Variants in GLP2R observed in about 807,000 individuals in gnomAD.
GLP2R encodes the protein glucagon-like peptide 2 receptor.
Under a neutral mutation model 68.2 loss-of-function variants are expected in GLP2R, and 59 were observed. That is an observed-to-expected ratio of 0.87 (90% CI 0.70 to 1.07). The LOEUF is 1.07. GLP2R is among the 50% of genes least tolerant of loss of function. GLP2R has a pLI of 0.00. For missense variants in GLP2R, 548 were observed against 677.4 expected (o/e 0.81, Z 2.12); for synonymous variants, 270 against 265.4 (o/e 1.02, Z -0.17).
intron 4 of GLP2R, among the ~76,000 whole-genome samples, chr17:9,843,894 G>A (rs1199162629): frequency 6.9e-6 from 1 of 144,574 alleles, no homozygotes; most frequent in Admixed American, 7.1e-5. Context: ...ATAGCACGTG[G>A]ATACTGCCTC....
intron 3 of GLP2R, among the ~76,000 whole-genome samples, chr17:9,840,062 T>C (rs1396307131): frequency 6.6e-6 from 1 of 151,326 alleles, no homozygotes; most frequent in Non-Finnish European, 1.5e-5. Flanking sequence ...CTGCAACCTC[T>C]GCCTCCTGGG....
Position 9,861,988 on chromosome 17 carries a change from TCTTCTACTGCCTG to T in GLP2R, c.987-23_987-11del. On this transcript the variant is annotated intron_variant, in intron 8 of 12. Coordinates refer to ENST00000262441, the MANE Select transcript of GLP2R (RefSeq NM_004246.3). ...CTTTCAACCTCCTCTTGTTTTTAAGTCTTCTACTGCCTGCTTCTACTGTTGACCTTAGGTGCTG... is the reference window on the plus strand; with the variant it reads ...CTTTCAACCTCCTCTTGTTTTTAAGTCTTCTACTGTTGACCTTAGGTGCTG... 1 of 1,486,536 alleles carries T rather than the reference TCTTCTACTGCCTG, an allele frequency of 6.7e-7. No individual in the cohort carries two copies. 92.1% of individuals were successfully genotyped at this position (1,486,536 alleles called of 1,614,324 possible).
intron 1 of GLP2R, among the ~76,000 whole-genome samples, chr17:9,831,844 G>A (rs370970951): frequency 4.7e-4 from 72 of 152,272 alleles, no homozygotes; most frequent in African/African-American, 1.6e-3. Context: ...AGGAGGTGGG[G>A]TCGATGGAAC....
In GLP2R at chr17:9,826,167, G is replaced by A. The variant is rs918464683; in HGVS notation, c.104G>A (p.Ser35Asn). Residue 35 changes from serine to asparagine, a missense_variant, in exon 1 of 13, where the codon AGT becomes AAT. Transcript: ENST00000262441. Reference sequence around the variant, plus strand: ...GGCATCCCTGCCCCCTGGGGGACCAGTCCTCTCTCCTTCCACAGGAAGTGC... The same window carrying A: ...GGCATCCCTGCCCCCTGGGGGACCAATCCTCTCTCCTTCCACAGGAAGTGC... Reference protein sequence around the residue: ...PMGIPAPWGTSPLSFHRKCSL... With the variant: ...PMGIPAPWGTNPLSFHRKCSL... 7 of 1,613,072 alleles carry A rather than the reference G, an allele frequency of 4.3e-6. No homozygotes were observed. The African/African-American group carries it at 8.0e-5, about 18-fold the overall frequency.
At chr17:9,830,360 C>T (rs1249911370) in intron 1 of GLP2R, among the ~76,000 whole-genome samples, 1 of 152,112 alleles carries the variant, frequency 6.6e-6, no homozygotes, top group African/African-American at 2.4e-5. Flanking sequence ...ATTCTAGAAG[C>T]TTATTATTTG....
Position 9,889,882 on chromosome 17 carries a change from G to A in GLP2R, c.*177G>A, listed in dbSNP as rs191322459. 493 of 641,876 alleles carry A rather than the reference G, an allele frequency of 7.7e-4. 2 individuals are homozygous for A. In the African/African-American group the frequency reaches 8.2e-3, roughly 11 times the overall value. The allele number at this position is 641,876 out of a possible 1,614,324, so 39.8% of individuals were successfully genotyped here. A position where few individuals can be genotyped will look rare whatever the true frequency, so the allele number is the denominator to read the frequency against. The stretch of plus-strand genomic sequence containing the variant: ...AAGCTCTGTATGAAAGAGGCTGTGT[G>A]TCATGCTCACAGCCTCTGCCTGCTC... On this transcript the variant is annotated 3_prime_UTR_variant, in exon 13 of 13. Transcript: ENST00000262441.
At chr17:9,842,932 G>A (rs1335995919) in intron 4 of GLP2R, among the ~76,000 whole-genome samples, 1 of 152,152 alleles carries the variant, frequency 6.6e-6, no homozygotes, top group Non-Finnish European at 1.5e-5. Context: ...ACCATCCAGG[G>A]TTCAGTCCAA....
At chr17:9,885,577 T>C (rs1050092675) in intron 11 of GLP2R, among the ~76,000 whole-genome samples, 1 of 152,020 alleles carries the variant, frequency 6.6e-6, no homozygotes, top group African/African-American at 2.4e-5. Context: ...TTCTCCTCCA[T>C]GTGGCCTCTC....
chr17:9,837,193 C>G (rs2066740220), intron 3 of GLP2R, among the ~76,000 whole-genome samples: 1 of 152,184 alleles, frequency 6.6e-6, no homozygotes, highest in Non-Finnish European at 1.5e-5. Context: ...GTTGTGCTAT[C>G]AAAGAGTAGC....
chr17:9,859,202 A>C (rs1001274531), intron 6 of GLP2R, among the ~76,000 whole-genome samples: 3 of 152,072 alleles, frequency 2.0e-5, no homozygotes, highest in Admixed American at 6.6e-5. Context: ...AATTTGTTTC[A>C]ATTTTTTCTT....
chr17:9,826,942 G>A (rs1378163483), intron 1 of GLP2R, among the ~76,000 whole-genome samples: 1 of 152,098 alleles, frequency 6.6e-6, no homozygotes, highest in Non-Finnish European at 1.5e-5. Flanking sequence ...TGAGATCTTG[G>A]CTCACTGCAA....
intron 1 of GLP2R, among the ~76,000 whole-genome samples, chr17:9,830,657 G>A (rs572500679): frequency 6.6e-6 from 1 of 152,310 alleles, no homozygotes; most frequent in South Asian, 2.1e-4. Context: ...GGTGCTATGA[G>A]ATATTTTAAT....
chr17:9,882,378 G>A (rs60875598), intron 11 of GLP2R, among the ~76,000 whole-genome samples: 9,230 of 152,230 alleles, frequency 0.061, 945 homozygotes, highest in African/African-American at 0.21. Context: ...GAAATTTTAC[G>A]GGAAGATTTG....
intron 11 of GLP2R, among the ~76,000 whole-genome samples, chr17:9,883,811 CTG>C (rs755120346): frequency 2.8e-4 from 43 of 152,156 alleles, no homozygotes; most frequent in Non-Finnish European, 5.9e-4. Context: ...AAAACAAAGA[CTG>C]AGAGAAATCA....
Position 9,842,602 on chromosome 17 carries a change from A to G in GLP2R, c.490A>G (p.Ser164Gly). ...TGACTCCGAATGCTCCGAGAACCAC[A>G]GCTTCAAGCAAAACGTGAGTTTGCT... The part of the protein sequence containing the change: ...QDDSECSENH[S>G]FKQNVDRYAL... The change falls in exon 4 of 13, where the codon AGC (serine) becomes GGC (glycine). Residue 164 changes from serine to glycine, a missense_variant. Physicochemically the swap from Ser to Gly is moderately conservative, Grantham distance 56. Coordinates refer to ENST00000262441, the MANE Select transcript of GLP2R (RefSeq NM_004246.3). The G allele has an allele frequency of 6.2e-7, 1 of 1,613,856 alleles. No individual in the cohort carries two copies. Among genetic ancestry groups the G allele is most frequent in the Non-Finnish European group, 8.5e-7 (1 of 1,180,010 alleles).
intron 5 of GLP2R, among the ~76,000 whole-genome samples, chr17:9,854,893 T>C (rs974513168): frequency 6.6e-6 from 1 of 152,216 alleles, no homozygotes; most frequent in Non-Finnish European, 1.5e-5. Context: ...ATAAGAGTTA[T>C]GTGAATGTGG....
chr17:9,847,214 T>C lies in GLP2R; in HGVS notation c.504+4598T>C, dbSNP rs117075657. Among the ~76,000 whole-genome samples the C allele has an allele frequency of 7.5e-3, 1,135 of 152,334 alleles. 5 individuals carry two copies. The highest frequency in any genetic ancestry group is 0.024 in the Middle Eastern group (7 of 294). On this transcript the variant is annotated intron_variant, in intron 4 of 12. Coordinates refer to ENST00000262441, the MANE Select transcript of GLP2R (RefSeq NM_004246.3). ...ATTAGGAAGTGATGAATTTGGAGTA[T>C]TTATTGCTTTTATTCTGAATATAAT...
In GLP2R at chr17:9,826,189, G is replaced by A. The variant is rs2066626420; in HGVS notation, c.126G>A (p.Lys42=). The change falls in exon 1 of 13, where the codon AAG becomes AAA. Residue 42 remains lysine, a synonymous_variant. Transcript: ENST00000262441. ...CCAGTCCTCTCTCCTTCCACAGGAA[G>A]TGCTCTCTCTGGGCCCCTGGGAGGC... ...WGTSPLSFHR[K]CSLWAPGRPF... is the part of the protein sequence containing the mutation. The A allele has an allele frequency of 5.6e-6, 9 of 1,613,654 alleles. No individual in the cohort carries two copies. In the East Asian group the frequency reaches 1.8e-4, roughly 32 times the overall value.
intron 5 of GLP2R, 151 bp downstream of exon 5, chr17:9,854,752 T>A (rs140305416): frequency 3.2e-6 from 2 of 629,080 alleles, no homozygotes; most frequent in African/African-American, 3.6e-5. Context: ...CAACCCTATG[T>A]TTGGTTCTAT....
Sources: gnomAD v4.1 joint callset for allele counts (sites outside exome capture counted in the v4.1 genomes callset) on GRCh38, gnomAD v4.1.1 for gene constraint, MANE v1.5 for transcripts, NCBI Gene and HGNC (gene_info 2026-07-23, HGNC 2026-07-21) for gene names.